The following DCTPP1 variants were observed in gnomAD, a reference collection of about 807,000 sequenced individuals.
DCTPP1 encodes dCTP pyrophosphatase 1.
A neutral mutation model predicts 8.8 loss-of-function variants in DCTPP1; 8 were observed. The ratio of observed to expected loss-of-function variants is 0.91; its 90% CI spans 0.54 to 1.64. The LOEUF (loss-of-function observed/expected upper bound fraction) is 1.64. Among genes scored for constraint, DCTPP1 ranks in the 40% most tolerant of loss-of-function variants. DCTPP1 has a pLI of 0.00. For synonymous variants in DCTPP1, 85 were observed against 92.1 expected, an observed-to-expected ratio of 0.92 and a Z score of 0.44; for missense variants, 231 against 230.4, an observed-to-expected ratio of 1.00 and a Z score of -0.02.
At position 30,429,928 on chromosome 16, in the gene DCTPP1, G is replaced by T; in HGVS notation, c.53C>A (p.Ala18Asp). The change falls in exon 1 of 3, where the codon GCT (alanine) becomes GAT (aspartate). Residue 18 changes from alanine to aspartate, a missense_variant. Transcript: ENST00000319285. Reference sequence around the variant, plus strand: ...GCTGAAGCTGAACCGGCCGGGAGCAGCAGTGTCCTCTCCCCCCGTGTCCCC... The same window carrying T: ...GCTGAAGCTGAACCGGCCGGGAGCATCAGTGTCCTCTCCCCCCGTGTCCCC... ...IRGDTGGEDT[A>D]APGRFSFSPE... 1 of 1,592,590 alleles carries T rather than the reference G, an allele frequency of 6.3e-7. No homozygotes were observed. Among genetic ancestry groups the T allele is most frequent in the African/African-American group, 1.4e-5 (1 of 72,906 alleles).
chr16:30,429,369 G>A, intron 1 of DCTPP1: 1 of 501,850 alleles, frequency 2.0e-6, no homozygotes. Context: ...CCCCTGAACT[G>A]CCCTTAACAT....
intron 2 of DCTPP1, among the ~76,000 whole-genome samples, chr16:30,427,874 G>A (rs1307304455): frequency 6.6e-6 from 1 of 152,106 alleles, no homozygotes; most frequent in Non-Finnish European, 1.5e-5. Context: ...GGTGGCGCAC[G>A]CCTGTAGACC....
chr16:30,429,903 G>T lies in DCTPP1; in HGVS notation c.78C>A (p.Ser26Arg). 6.3e-7 allele frequency: 1 copy of T among 1,595,964 alleles called. No individual in the cohort carries two copies. The highest frequency in any genetic ancestry group is 1.7e-5 in the Admixed American group (1 of 58,368). Residue 26 changes from serine (S) to arginine (R), a missense_variant, in exon 1 of 3, where the codon AGC (serine) becomes AGA (arginine). By Grantham distance (110) the Ser-to-Arg change is moderately radical. Coordinates refer to ENST00000319285, the MANE Select transcript of DCTPP1 (RefSeq NM_024096.2). ...ACATGTCCTCGAGCGTGGGCTCCGGGCTGAAGCTGAACCGGCCGGGAGCAG... is the reference window on the plus strand; with the variant it reads ...ACATGTCCTCGAGCGTGGGCTCCGGTCTGAAGCTGAACCGGCCGGGAGCAG... ...DTAAPGRFSF[S>R]PEPTLEDIRR...
Position 30,429,055 on chromosome 16 carries a change from A to G in DCTPP1, c.212+2T>C. ...CTACCAGGAAGCTTTCCATCTACTC[A>G]CAAGAGTTCTGCCAGCTCCCCCACT... is the stretch of plus-strand genomic sequence containing the variant. On this transcript the variant is annotated splice_donor_variant, in intron 2 of 2. Transcript: ENST00000319285. LOFTEE classifies it high-confidence loss of function. 1 of 1,613,008 alleles carries G rather than the reference A, an allele frequency of 6.2e-7. No individual in the cohort carries two copies. The highest frequency in any genetic ancestry group is 8.5e-7 in the Non-Finnish European group (1 of 1,179,524).
chr16:30,428,432 G>A (rs2050206228), intron 2 of DCTPP1, among the ~76,000 whole-genome samples: 1 of 152,210 alleles, frequency 6.6e-6, no homozygotes, highest in South Asian at 2.1e-4. Flanking sequence ...GCCACAGGCA[G>A]GTCCTCTACA....
chr16:30,425,341 T>A (rs982215625), intron 2 of DCTPP1, among the ~76,000 whole-genome samples: 1 of 151,268 alleles, frequency 6.6e-6, no homozygotes, highest in Admixed American at 6.6e-5. Context: ...ACAAAAAAAT[T>A]AGCTGGGCAT....
rs1051510854 is a variant in DCTPP1, at chr16:30,429,177, G to C, written c.102-10C>G. Reference sequence around the variant, plus strand: ...AGCATGGAGGCGGCGGCTGAAATAGGACAAAGGAGTGTAAGTCCAAGTCTC... The same window carrying C: ...AGCATGGAGGCGGCGGCTGAAATAGCACAAAGGAGTGTAAGTCCAAGTCTC... On this transcript the variant is annotated splice_polypyrimidine_tract_variant and intron_variant, in intron 1 of 2. Transcript: ENST00000319285. 1.2e-6 allele frequency: 2 copies of C among 1,613,788 alleles called. No homozygotes were observed. The highest frequency in any genetic ancestry group is 3.3e-5 in the Admixed American group (2 of 59,944).
Position 30,424,279 on chromosome 16 carries a change from C to T in DCTPP1, c.467G>A (p.Gly156Glu), listed in dbSNP as rs2050179508. The T allele has an allele frequency of 6.2e-7, 1 of 1,614,078 alleles. No homozygotes were observed. The highest frequency in any genetic ancestry group is 1.7e-5 in the Admixed American group (1 of 59,996). Residue 156 changes from glycine to glutamate, a missense_variant, in exon 3 of 3, where the codon GGG (glycine) becomes GAG (glutamate). Coordinates refer to ENST00000319285, the MANE Select transcript of DCTPP1 (RefSeq NM_024096.2). Reference protein sequence around the residue: ...HGAISEDQAVGPADIPCDSTG... With the variant: ...HGAISEDQAVEPADIPCDSTG... ...GGAGTCACAGGGAATGTCCGCAGGC[C>T]CCACAGCCTGGTCTTCAGAGATGGC...
In DCTPP1 at chr16:30,424,371, G is replaced by A; in HGVS notation, c.375C>T (p.Asn125=). 5.0e-6 allele frequency: 8 copies of A among 1,614,218 alleles called. No homozygotes were observed. The highest frequency in any genetic ancestry group is 6.8e-6 in the Non-Finnish European group (8 of 1,180,044). The stretch of plus-strand genomic sequence containing the variant: ...CCAGATGGGCTGGGTAGCGTCGCCG[G>A]TTGATGTCCATTTTGGAGAGCACTG... ...PLAVLSKMDI[N]RRRYPAHLAR... The change falls in exon 3 of 3, where the codon AAC becomes AAT. Residue 125 remains asparagine (N), a synonymous_variant. Coordinates refer to ENST00000319285, the MANE Select transcript of DCTPP1 (RefSeq NM_024096.2).
At position 30,424,312 on chromosome 16, in the gene DCTPP1, G is replaced by C. The variant is rs1243582830; in HGVS notation, c.434C>G (p.Pro145Arg). 6.2e-7 allele frequency: 1 copy of C among 1,614,092 alleles called. No individual in the cohort carries two copies. Among genetic ancestry groups the C allele is most frequent in the African/African-American group, 1.3e-5 (1 of 74,936 alleles). ...RSSSRKYTEL[P>R]HGAISEDQAV... ...CTGGTCTTCAGAGATGGCCCCATGG[G>C]GCAATTCTGTATACTTGCGGGAAGA... is the stretch of plus-strand genomic sequence containing the variant. Residue 145 changes from proline to arginine, a missense_variant, in exon 3 of 3, where the codon CCC (proline) becomes CGC (arginine). Physicochemically the swap from Pro to Arg is moderately radical, Grantham distance 103. Coordinates refer to ENST00000319285, the MANE Select transcript of DCTPP1 (RefSeq NM_024096.2).
At chr16:30,427,324 T>G (rs1340601140) in intron 2 of DCTPP1, among the ~76,000 whole-genome samples, 2 of 150,460 alleles carry the variant, frequency 1.3e-5, no homozygotes, top group African/African-American at 4.9e-5. Flanking sequence ...TTTTGTTTTT[T>G]TTTTTTAAGG....
intron 2 of DCTPP1, among the ~76,000 whole-genome samples, chr16:30,424,856 G>C (rs372876575): frequency 6.6e-6 from 1 of 152,160 alleles, no homozygotes; most frequent in African/African-American, 2.4e-5. Context: ...TCATCTCCTG[G>C]CTAGCTCATC....
At position 30,424,402 on chromosome 16, in the gene DCTPP1, G is replaced by A. The variant is rs746669962; in HGVS notation, c.344C>T (p.Pro115Leu). The change falls in exon 3 of 3, where the codon CCG (proline) becomes CTG (leucine). Residue 115 changes from proline to leucine, a missense_variant. Transcript: ENST00000319285. Reference sequence around the variant, plus strand: ...GTCCATTTTGGAGAGCACTGCTAGCGGCAGATCCACACGGCAGCGGGCTGC... The same window carrying A: ...GTCCATTTTGGAGAGCACTGCTAGCAGCAGATCCACACGGCAGCGGGCTGC... ...ALAARCRVDL[P>L]LAVLSKMDIN... 1.8e-5 allele frequency: 29 copies of A among 1,613,858 alleles called. No homozygotes were observed. Among genetic ancestry groups the A allele is most frequent in the East Asian group, 4.5e-5 (2 of 44,874 alleles).
At chr16:30,427,238 C>T (rs1196042574) in intron 2 of DCTPP1, among the ~76,000 whole-genome samples, 1 of 144,396 alleles carries the variant, frequency 6.9e-6, no homozygotes, top group Non-Finnish European at 1.5e-5. Context: ...TCTTGATCTC[C>T]TAACCTCATG....
chr16:30,428,557 G>A (rs2050206864), intron 2 of DCTPP1, among the ~76,000 whole-genome samples: 1 of 152,026 alleles, frequency 6.6e-6, no homozygotes, highest in South Asian at 2.1e-4. Flanking sequence ...ATCACCTGAG[G>A]TCAGGAATTT....
chr16:30,425,076 T>C (rs2050185503), intron 2 of DCTPP1, among the ~76,000 whole-genome samples: 1 of 152,208 alleles, frequency 6.6e-6, no homozygotes, highest in Admixed American at 6.5e-5. Flanking sequence ...GACAGGGTTT[T>C]GCCATATTGG....
rs2050178440 is a variant in DCTPP1, at chr16:30,424,122, G to A, written c.*111C>T. The A allele has an allele frequency of 2.3e-6, 3 of 1,318,584 alleles. No individual in the cohort carries two copies. The African/African-American group carries it at 4.5e-5, about 20-fold the overall frequency. 81.7% of individuals were successfully genotyped at this position (1,318,584 alleles called of 1,614,324 possible). On this transcript the variant is annotated 3_prime_UTR_variant, in exon 3 of 3. Transcript: ENST00000319285. ...GCTGGGCCTCAGACCTCAAGAAGTG[G>A]AGGCCTCAGGCCCATGATCTATTCT...
At chr16:30,426,867 T>C (rs2050197539) in intron 2 of DCTPP1, among the ~76,000 whole-genome samples, 1 of 151,186 alleles carries the variant, frequency 6.6e-6, no homozygotes, top group Non-Finnish European at 1.5e-5. Flanking sequence ...GCCCAGCTAA[T>C]GGTTGTATTT....
intron 1 of DCTPP1, chr16:30,429,370 C>T (rs1436774346): frequency 8.0e-6 from 4 of 501,454 alleles, no homozygotes; most frequent in African/African-American, 2.0e-5. Flanking sequence ...CCCTGAACTG[C>T]CCTTAACATC....
Sources: allele counts gnomAD v4.1 joint callset (sites outside exome capture counted in the v4.1 genomes callset), GRCh38; gene constraint gnomAD v4.1.1; transcripts MANE v1.5; gene names NCBI Gene and HGNC (gene_info 2026-07-23, HGNC 2026-07-21).